Variants in TTC7A observed in about 807,000 individuals in gnomAD.
TTC7A encodes tetratricopeptide repeat protein 7A.
TTC7A carries 110 observed loss-of-function variants against 103.7 expected under a neutral mutation model. That is an observed-to-expected ratio of 1.06 (90% CI 0.91 to 1.24). TTC7A has a LOEUF of 1.24. Among genes scored for constraint, TTC7A ranks in the 50% most tolerant of loss-of-function variants. The pLI, the probability that TTC7A is intolerant of heterozygous loss-of-function variation, is 0.00. For missense variants in TTC7A, 1,340 were observed against 1,116.3 expected, an observed-to-expected ratio of 1.20 and a Z score of -2.86; for synonymous variants, 521 against 467.9, an observed-to-expected ratio of 1.11 and a Z score of -1.47.
intron 13 of TTC7A, 143 bp downstream of exon 13, chr2:47,023,608 C>T (rs1254093420): frequency 3.3e-6 from 3 of 910,674 alleles, no homozygotes; most frequent in Non-Finnish European, 1.7e-6. Flanking sequence ...ACACAGCAAG[C>T]AGGGATAGGC....
chr2:46,918,154 C>T (rs923318918), intron 2 of TTC7A, among the ~76,000 whole-genome samples: 12 of 152,024 alleles, frequency 7.9e-5, no homozygotes, highest in African/African-American at 1.9e-4. Context: ...TTAATGTGTC[C>T]CCCCAAAATC....
chr2:47,009,630 C>T (rs1381288197), intron 10 of TTC7A, among the ~76,000 whole-genome samples: 3 of 152,224 alleles, frequency 2.0e-5, no homozygotes, highest in South Asian at 2.1e-4. Context: ...CTGCCAGTTG[C>T]TCATACCCTG....
intron 5 of TTC7A, among the ~76,000 whole-genome samples, chr2:46,992,523 G>A (rs1287492813): frequency 6.6e-6 from 1 of 152,228 alleles, no homozygotes; most frequent in Non-Finnish European, 1.5e-5. Flanking sequence ...ACTTGCTTGA[G>A]TGCTGGGGGC....
rs142081158 is a variant in TTC7A at position 47,066,290 on chromosome 2, T to C, written c.2355+5319T>C. Among the ~76,000 whole-genome samples the C allele has an allele frequency of 1.5e-3, 230 of 152,238 alleles. 2 individuals carry two copies. The highest frequency in any genetic ancestry group is 5.2e-3 in the African/African-American group (217 of 41,542). On this transcript the variant is annotated intron_variant, in intron 19 of 19. Transcript: ENST00000319190. ...GTTTGCAGGATCAAGAGCGTGGGTATGGCCTCAGAGCCTCTCATCCCTCAC... is the reference window on the plus strand; with the variant it reads ...GTTTGCAGGATCAAGAGCGTGGGTACGGCCTCAGAGCCTCTCATCCCTCAC...
chr2:46,934,222 T>C (rs937973773), intron 2 of TTC7A, among the ~76,000 whole-genome samples: 3 of 152,230 alleles, frequency 2.0e-5, no homozygotes, highest in Non-Finnish European at 4.4e-5. Context: ...TTCACTGTTT[T>C]TTGCAGAAGT....
At chr2:47,024,463 C>T (rs113799373) in intron 14 of TTC7A, 104 bp downstream of exon 14, 7 of 1,060,966 alleles carry the variant, frequency 6.6e-6, no homozygotes, top group Non-Finnish European at 8.1e-6. Flanking sequence ...GACTTTGCCT[C>T]CCTGAGTTTG....
chr2:46,980,069 G>A (rs974806590), intron 5 of TTC7A, among the ~76,000 whole-genome samples: 1 of 152,204 alleles, frequency 6.6e-6, no homozygotes, highest in African/African-American at 2.4e-5. Context: ...TGAGGCCTGT[G>A]TGCCATTTTT....
chr2:47,071,373 C>T (rs959399249), intron 19 of TTC7A, among the ~76,000 whole-genome samples: 1 of 152,160 alleles, frequency 6.6e-6, no homozygotes, highest in African/African-American at 2.4e-5. Context: ...AGTCCTCCCC[C>T]ACAGAGAGCC....
intron 16 of TTC7A, among the ~76,000 whole-genome samples, chr2:47,049,282 G>A (rs542467274): frequency 1.3e-5 from 2 of 152,164 alleles, no homozygotes; most frequent in Non-Finnish European, 2.9e-5. Flanking sequence ...GGATGGCCAC[G>A]GCGGGCTTAA....
At chr2:47,057,136 C>T (rs1173723974) in intron 18 of TTC7A, among the ~76,000 whole-genome samples, 2 of 152,210 alleles carry the variant, frequency 1.3e-5, no homozygotes, top group Admixed American at 6.5e-5. Flanking sequence ...CCGAAGGCAT[C>T]TGCTCAGGGA....
intron 4 of TTC7A, 141 bp downstream of exon 4, chr2:46,975,244 G>A: frequency 9.0e-7 from 1 of 1,115,492 alleles, no homozygotes; most frequent in Non-Finnish European, 1.3e-6. Context: ...CTACTTCATA[G>A]TTGGAAAACT....
intron 11 of TTC7A, among the ~76,000 whole-genome samples, chr2:47,020,022 A>G (rs181614320): frequency 2.4e-4 from 37 of 152,246 alleles, no homozygotes; most frequent in Non-Finnish European, 3.8e-4. Context: ...CAGTAGCCCT[A>G]TGTCAGCACC....
intron 18 of TTC7A, among the ~76,000 whole-genome samples, chr2:47,057,640 G>A (rs1683425717): frequency 6.6e-6 from 1 of 152,140 alleles, no homozygotes; most frequent in African/African-American, 2.4e-5. Flanking sequence ...TGAGCTTCTG[G>A]CGATGGAGGA....
intron 5 of TTC7A, among the ~76,000 whole-genome samples, chr2:46,992,818 G>A (rs1464795567): frequency 2.6e-5 from 4 of 152,250 alleles, no homozygotes; most frequent in African/African-American, 4.8e-5. Context: ...ATTGCACATA[G>A]GAGAGATGGG....
chr2:46,980,641 A>C (rs920584768), intron 5 of TTC7A, among the ~76,000 whole-genome samples: 19 of 152,176 alleles, frequency 1.2e-4, no homozygotes, highest in African/African-American at 4.3e-4. Flanking sequence ...GCTAACCGTC[A>C]GGCTTGATCT....
intron 15 of TTC7A, among the ~76,000 whole-genome samples, chr2:47,037,266 C>T (rs1190129939): frequency 6.6e-6 from 1 of 152,210 alleles, no homozygotes; most frequent in Non-Finnish European, 1.5e-5. Flanking sequence ...ACTGGCCTCT[C>T]CTCTGCCTGC....
At chr2:47,042,249 C>G (rs1573003265) in intron 15 of TTC7A, among the ~76,000 whole-genome samples, 1 of 152,304 alleles carries the variant, frequency 6.6e-6, no homozygotes, top group Middle Eastern at 3.4e-3. Context: ...TGCCTGTAAT[C>G]CCAATGCTTT....
At chr2:46,932,429 G>A (rs1171938839) in intron 2 of TTC7A, among the ~76,000 whole-genome samples, 5 of 152,146 alleles carry the variant, frequency 3.3e-5, no homozygotes, top group African/African-American at 7.2e-5. Flanking sequence ...GATTACAGGC[G>A]TAAGCCATTG....
chr2:46,955,432 G>A (rs530133890), intron 2 of TTC7A, among the ~76,000 whole-genome samples: 10 of 152,316 alleles, frequency 6.6e-5, no homozygotes, highest in East Asian at 3.9e-4. Context: ...CAGGTCAGGC[G>A]TGCAGAGGCT....
Sources: allele counts gnomAD v4.1 joint callset (sites outside exome capture counted in the v4.1 genomes callset), GRCh38; gene constraint gnomAD v4.1.1; transcripts MANE v1.5; gene names NCBI Gene and HGNC (gene_info 2026-07-23, HGNC 2026-07-21).